The following TENM4 variants were observed in gnomAD, a reference collection of about 807,000 sequenced individuals.
TENM4 encodes the protein teneurin transmembrane protein 4.
Under a neutral mutation model 243.3 loss-of-function variants are expected in TENM4, and 82 were observed. The observed-to-expected ratio is 0.34, with a 90% confidence interval of 0.28 to 0.40. The LOEUF is 0.40. TENM4 is among the 10% of genes least tolerant of loss of function. The probability of loss-of-function intolerance (pLI) is 1.00; values close to 1 mark genes in which losing one functional copy is unlikely to be tolerated. For missense variants in TENM4, 3,138 were observed against 3,673.3 expected (o/e 0.85, Z 3.77); for synonymous variants, 1,412 against 1,456.3 (o/e 0.97, Z 0.69).
In TENM4 at chr11:79,311,365, C is replaced by A. The variant is rs115205612; in HGVS notation, c.-320-13822G>T. ...ACAGGTCAGGTAGCTAGCACAGTGT[C>A]TGCCCATTAAGTGCTGGTCTCCCTG... On this transcript the variant is annotated intron_variant, in intron 1 of 33. Coordinates refer to ENST00000278550, the MANE Select transcript of TENM4 (RefSeq NM_001098816.3). Among the ~76,000 whole-genome samples the A allele has an allele frequency of 2.7e-3, 405 of 152,320 alleles. 5 individuals carry two copies. The highest frequency in any genetic ancestry group is 9.6e-3 in the African/African-American group (398 of 41,566).
chr11:79,019,203 T>A (rs1321583298), intron 6 of TENM4, among the ~76,000 whole-genome samples: 1 of 152,228 alleles, frequency 6.6e-6, no homozygotes, highest in African/African-American at 2.4e-5. Flanking sequence ...CTCCAGGGCC[T>A]GGACCTATTA....
At chr11:78,899,721 A>G (rs571893144) in intron 7 of TENM4, among the ~76,000 whole-genome samples, 1 of 152,236 alleles carries the variant, frequency 6.6e-6, no homozygotes, top group East Asian at 1.9e-4. Context: ...TTCCTTCCAG[A>G]GCTGGTTGTT....
intron 7 of TENM4, among the ~76,000 whole-genome samples, chr11:78,899,368 G>A (rs980876720): frequency 1.3e-5 from 2 of 151,946 alleles, no homozygotes; most frequent in African/African-American, 4.8e-5. Context: ...CGAGGCAGGA[G>A]GATTGCTTGT....
At chr11:78,965,587 A>C (rs933034418) in intron 6 of TENM4, among the ~76,000 whole-genome samples, 1 of 152,220 alleles carries the variant, frequency 6.6e-6, no homozygotes, top group South Asian at 2.1e-4. Context: ...TTACGAAATA[A>C]ATAGTTCCAG....
intron 4 of TENM4, among the ~76,000 whole-genome samples, chr11:79,111,232 T>C (rs966206231): frequency 6.6e-6 from 1 of 152,168 alleles, no homozygotes; most frequent in Non-Finnish European, 1.5e-5. Flanking sequence ...CCCAGCCATG[T>C]AAAACTGTGA....
chr11:79,381,434 G>C (rs927039531), intron 1 of TENM4, among the ~76,000 whole-genome samples: 1 of 151,822 alleles, frequency 6.6e-6, no homozygotes, highest in Non-Finnish European at 1.5e-5. Flanking sequence ...TGTAACCATG[G>C]CTTCTGCAGT....
chr11:79,178,965 T>A lies in TENM4; in HGVS notation c.-162-30159A>T, dbSNP rs149474448. Among the ~76,000 whole-genome samples the A allele has an allele frequency of 9.9e-3, 1,514 of 152,336 alleles. 13 individuals carry two copies. The highest frequency in any genetic ancestry group is 0.016 in the Non-Finnish European group (1,080 of 68,028). Reference sequence around the variant, plus strand: ...AGAGGAAATCAAATAAAAAATTGTATCTTGCTTCCAGAAAGTCAGTGAGGG... The same window carrying A: ...AGAGGAAATCAAATAAAAAATTGTAACTTGCTTCCAGAAAGTCAGTGAGGG... On this transcript the variant is annotated intron_variant, in intron 3 of 33. Transcript: ENST00000278550.
At chr11:79,221,514 A>G (rs1194600976) in intron 2 of TENM4, among the ~76,000 whole-genome samples, 1 of 151,748 alleles carries the variant, frequency 6.6e-6, no homozygotes, top group African/African-American at 2.4e-5. Flanking sequence ...CACTGCATAC[A>G]CAGAAGAGCA....
intron 6 of TENM4, among the ~76,000 whole-genome samples, chr11:78,989,682 G>C (rs899086890): frequency 2.6e-5 from 4 of 152,176 alleles, no homozygotes; most frequent in Admixed American, 2.6e-4. Flanking sequence ...GTCCCAGGTA[G>C]AGCCGTCCCT....
intron 1 of TENM4, among the ~76,000 whole-genome samples, chr11:79,356,819 T>G (rs371533586): frequency 2.6e-5 from 4 of 151,982 alleles, no homozygotes; most frequent in East Asian, 1.9e-4. Context: ...ATAATGCCAT[T>G]TTTTGGTCCT....
intron 1 of TENM4, among the ~76,000 whole-genome samples, chr11:79,401,162 T>C (rs1858453447): frequency 6.6e-6 from 1 of 152,212 alleles, no homozygotes; most frequent in African/African-American, 2.4e-5. Context: ...TCTGGTGTCC[T>C]TCACCTTTTT....
chr11:79,007,488 C>G (rs943739260), intron 6 of TENM4, among the ~76,000 whole-genome samples: 1 of 152,130 alleles, frequency 6.6e-6, no homozygotes, highest in Non-Finnish European at 1.5e-5. Flanking sequence ...GTGGCTGTGT[C>G]AGGCATCCAC....
chr11:79,386,640 T>C (rs1164680468), intron 1 of TENM4, among the ~76,000 whole-genome samples: 3 of 152,022 alleles, frequency 2.0e-5, no homozygotes, highest in Non-Finnish European at 2.9e-5. Flanking sequence ...AGTAAACACA[T>C]GAAAAGGTGC....
chr11:79,142,233 T>C (rs1480175039), intron 4 of TENM4, among the ~76,000 whole-genome samples: 1 of 152,022 alleles, frequency 6.6e-6, no homozygotes, highest in East Asian at 1.9e-4. Context: ...TGGAAAAAGC[T>C]AAAGACTCCA....
At chr11:78,983,779 A>G (rs751473105) in intron 6 of TENM4, among the ~76,000 whole-genome samples, 7 of 117,900 alleles carry the variant, frequency 5.9e-5, no homozygotes, top group African/African-American at 1.3e-4. Context: ...GTGCTGTCCT[A>G]TCCTGTGGGG....
intron 1 of TENM4, among the ~76,000 whole-genome samples, chr11:79,310,342 T>A (rs2135412050): frequency 6.6e-6 from 1 of 152,290 alleles, no homozygotes; most frequent in Non-Finnish European, 1.5e-5. Context: ...TAATAAGACT[T>A]TGGCCTATCA....
intron 1 of TENM4, among the ~76,000 whole-genome samples, chr11:79,321,489 C>T (rs1856887824): frequency 6.6e-6 from 1 of 151,960 alleles, no homozygotes; most frequent in Admixed American, 6.6e-5. Flanking sequence ...AAAAGAGCAG[C>T]AAGAAATCAC....
intron 1 of TENM4, among the ~76,000 whole-genome samples, chr11:79,305,317 T>C (rs1253014886): frequency 6.6e-6 from 1 of 152,082 alleles, no homozygotes; most frequent in African/African-American, 2.4e-5. Flanking sequence ...CTCAAACATC[T>C]AGCTGAGGCC....
At chr11:78,674,139 G>A (rs1590930476) in intron 30 of TENM4, among the ~76,000 whole-genome samples, 2 of 152,242 alleles carry the variant, frequency 1.3e-5, no homozygotes, top group South Asian at 4.1e-4. Flanking sequence ...GTGAAGGGGA[G>A]CTGTACCTTT....
Sources: gnomAD v4.1 joint callset for allele counts (sites outside exome capture counted in the v4.1 genomes callset) on GRCh38, gnomAD v4.1.1 for gene constraint, MANE v1.5 for transcripts, NCBI Gene and HGNC (gene_info 2026-07-23, HGNC 2026-07-21) for gene names.